SETD2: variants seen among roughly 807,000 people sequenced by gnomAD.
The protein encoded by SETD2 is histone-lysine N-methyltransferase SETD2.
A neutral mutation model predicts 242.1 loss-of-function variants in SETD2; 31 were observed. The observed-to-expected ratio is 0.13, with a 90% CI of 0.10 to 0.17. The LOEUF (loss-of-function observed/expected upper bound fraction) is 0.17. Among genes scored for constraint, SETD2 ranks in the 10% least tolerant of loss-of-function variants. SETD2 has a pLI of 1.00. For synonymous variants in SETD2, 1,006 were observed against 1,066.5 expected, an observed-to-expected ratio of 0.94 and a Z score of 1.11; for missense variants, 2,481 against 3,046.3, an observed-to-expected ratio of 0.81 and a Z score of 4.37.
intron 17 of SETD2, among the ~76,000 whole-genome samples, chr3:47,039,875 ACT>A (rs1046030203): frequency 5.0e-5 from 7 of 140,948 alleles, no homozygotes; most frequent in African/African-American, 7.9e-5. Flanking sequence ...AAAAGTGAAA[ACT>A]CTGTCTCAAA....
intron 3 of SETD2, among the ~76,000 whole-genome samples, chr3:47,118,909 T>C (rs1482003802): frequency 6.6e-6 from 1 of 152,128 alleles, no homozygotes; most frequent in Non-Finnish European, 1.5e-5. Context: ...AAATATTGAA[T>C]ATTTTAAATG....
intron 18 of SETD2, among the ~76,000 whole-genome samples, chr3:47,036,906 A>T (rs1037906362): frequency 3.1e-5 from 1 of 32,694 alleles, no homozygotes; most frequent in African/African-American, 1.7e-4. Flanking sequence ...CGTCTCATTT[A>T]AAAAAAAAAG....
chr3:47,070,907 ATATGTGTG>A (rs2040790549), intron 12 of SETD2, among the ~76,000 whole-genome samples: 1 of 152,130 alleles, frequency 6.6e-6, no homozygotes, highest in African/African-American at 2.4e-5. Flanking sequence ...TTGTGTGTGT[ATATGTGTG>A]TATAGCGATG....
At chr3:47,080,066 C>T (rs1392945586) in intron 12 of SETD2, among the ~76,000 whole-genome samples, 2 of 152,200 alleles carry the variant, frequency 1.3e-5, no homozygotes, top group Non-Finnish European at 2.9e-5. Context: ...GCAGATTTCA[C>T]ATACAATATT....
chr3:47,101,448 C>T lies in SETD2; in HGVS notation c.5015+10G>A, dbSNP rs1005876568. 1 of 1,553,610 alleles carries T rather than the reference C, an allele frequency of 6.4e-7. No homozygotes were observed. Among genetic ancestry groups the T allele is most frequent in the Admixed American group, 1.7e-5 (1 of 59,088 alleles). On this transcript the variant is annotated intron_variant, in intron 8 of 20. Coordinates refer to ENST00000409792, the MANE Select transcript of SETD2 (RefSeq NM_014159.7). Reference sequence around the variant, plus strand: ...TCAGAAGCAGCAAAATTAGTAGAAACAATACTTACCCATATCTCTGGAACT... The same window carrying T: ...TCAGAAGCAGCAAAATTAGTAGAAATAATACTTACCCATATCTCTGGAACT...
intron 12 of SETD2, among the ~76,000 whole-genome samples, chr3:47,076,919 T>C (rs371104228): frequency 3.6e-4 from 55 of 152,336 alleles, no homozygotes; most frequent in East Asian, 2.9e-3. Flanking sequence ...GTCTCTGAGA[T>C]GTTACTAGAG....
At chr3:47,037,809 G>C (rs369648564) in intron 17 of SETD2, 32 bp from the exon 18 acceptor site, 1 of 1,496,800 alleles carries the variant, frequency 6.7e-7, no homozygotes, top group South Asian at 1.1e-5. Context: ...CATGCTGTCA[G>C]GGCTAGGAAA....
In SETD2 at chr3:47,057,126, G is replaced by T. The variant is rs2107575967; in HGVS notation, c.6658C>A (p.Pro2220Thr). 6.2e-7 allele frequency: 1 copy of T among 1,614,162 alleles called. No homozygotes were observed. Among genetic ancestry groups the T allele is most frequent in the Non-Finnish European group, 8.5e-7 (1 of 1,179,988 alleles). The stretch of plus-strand genomic sequence containing the variant: ...TGTGGCACCACTGGTACTGGTGGAG[G>T]GGCAGAAAGGGGTTCTGTAGAATGT... ...VGHSTEPLSAPPPVPVVPHVA... is the reference protein window; with the variant it reads ...VGHSTEPLSATPPVPVVPHVA... Residue 2220 changes from proline (P) to threonine (T), a missense_variant, in exon 15 of 21, where the codon CCT becomes ACT. Physicochemically the swap from Pro to Thr is conservative, Grantham distance 38. This residue lies in a region of SETD2 where 235 missense variants were observed against 293.9 expected (regional missense o/e 0.80). Coordinates refer to ENST00000409792, the MANE Select transcript of SETD2 (RefSeq NM_014159.7).
intron 12 of SETD2, among the ~76,000 whole-genome samples, chr3:47,073,809 C>T (rs2040932900): frequency 6.6e-6 from 1 of 152,182 alleles, no homozygotes; most frequent in Non-Finnish European, 1.5e-5. Context: ...GCCTATCAGT[C>T]TGACCAAGAT....
chr3:47,074,586 C>A (rs2040967676), intron 12 of SETD2, among the ~76,000 whole-genome samples: 1 of 152,060 alleles, frequency 6.6e-6, no homozygotes, highest in Non-Finnish European at 1.5e-5. Flanking sequence ...AAACTTGGTC[C>A]CCCAACCACC....
chr3:47,039,841 C>T (rs1461815320), intron 17 of SETD2, among the ~76,000 whole-genome samples: 1 of 148,492 alleles, frequency 6.7e-6, no homozygotes, highest in African/African-American at 2.5e-5. Flanking sequence ...CGAGATCACG[C>T]CACTGCACTC....
intron 17 of SETD2, among the ~76,000 whole-genome samples, chr3:47,039,884 C>T (rs1432178599): frequency 1.3e-5 from 1 of 75,030 alleles, no homozygotes; most frequent in Non-Finnish European, 2.8e-5. Context: ...AACTCTGTCT[C>T]AAAAAAAAAA....
intron 18 of SETD2, among the ~76,000 whole-genome samples, chr3:47,022,234 A>AC (rs2038263226): frequency 1.3e-5 from 1 of 79,530 alleles, no homozygotes; most frequent in Admixed American, 1.2e-4. Flanking sequence ...CACACACACA[A>AC]ATTTAGCACG....
At chr3:47,086,413 T>C (rs1188442190) in intron 10 of SETD2, 99 bp from the exon 11 acceptor site, 7 of 1,197,358 alleles carry the variant, frequency 5.8e-6, no homozygotes, top group South Asian at 1.4e-5. Context: ...TTACACATTA[T>C]AGGGTTCACT....
intron 1 of SETD2, among the ~76,000 whole-genome samples, chr3:47,127,296 T>G (rs2043358398): frequency 6.7e-6 from 1 of 150,148 alleles, no homozygotes; most frequent in South Asian, 2.1e-4. Flanking sequence ...AGGTCGAGGC[T>G]GCAGGTAGCC....
chr3:47,109,310 C>T (rs1418861633), intron 5 of SETD2, among the ~76,000 whole-genome samples: 1 of 152,152 alleles, frequency 6.6e-6, no homozygotes, highest in East Asian at 1.9e-4. Context: ...TGGACACTAA[C>T]TGTTCAACTC....
intron 18 of SETD2, among the ~76,000 whole-genome samples, chr3:47,022,213 ACAC>A (rs1351034476): frequency 6.6e-5 from 10 of 150,984 alleles, no homozygotes; most frequent in African/African-American, 9.8e-5. Flanking sequence ...ACACACACAC[ACAC>A]ACACACACAC....
At chr3:47,053,893 A>C (rs1013636861) in intron 15 of SETD2, among the ~76,000 whole-genome samples, 1 of 152,230 alleles carries the variant, frequency 6.6e-6, no homozygotes, top group Non-Finnish European at 1.5e-5. Flanking sequence ...GGTGCTTTGA[A>C]TCTATCATTA....
intron 12 of SETD2, among the ~76,000 whole-genome samples, chr3:47,077,574 T>C (rs569783353): frequency 6.6e-6 from 1 of 152,344 alleles, no homozygotes; most frequent in Non-Finnish European, 1.5e-5. Context: ...GTGAAGTACA[T>C]TGTGTGTACG....
Sources: gnomAD v4.1 joint callset for allele counts (sites outside exome capture counted in the v4.1 genomes callset) on GRCh38, gnomAD v4.1.1 for gene constraint, gnomAD v4.1.1 regional missense constraint, MANE v1.5 for transcripts, NCBI Gene and HGNC (gene_info 2026-07-23, HGNC 2026-07-21) for gene names.